The following TENM3 variants were observed in gnomAD, a reference collection of about 807,000 sequenced individuals.
TENM3 encodes the protein teneurin transmembrane protein 3.
Under a neutral mutation model 255.1 loss-of-function variants are expected in TENM3, and 63 were observed. That is an observed-to-expected ratio of 0.25 (90% CI 0.20 to 0.30). The LOEUF (loss-of-function observed/expected upper bound fraction) is 0.30. Among genes scored for constraint, TENM3 ranks in the 10% least tolerant of loss-of-function variants. The pLI is 1.00. For synonymous variants in TENM3, 1,306 were observed against 1,322.3 expected, an observed-to-expected ratio of 0.99 and a Z score of 0.27; for missense variants, 2,929 against 3,461.1, an observed-to-expected ratio of 0.85 and a Z score of 3.86.
chr4:182,255,283 A>G (rs1341048304), intron 1 of TENM3, among the ~76,000 whole-genome samples: 1 of 152,158 alleles, frequency 6.6e-6, no homozygotes, highest in East Asian at 1.9e-4. Context: ...CATCATGATA[A>G]TGTACCCCCA....
the TENM3 span, among the ~76,000 whole-genome samples, chr4:181,912,162 A>C: frequency 6.6e-6 from 1 of 152,204 alleles, no homozygotes; most frequent in East Asian, 1.9e-4. Flanking sequence ...CTCAAATTCC[A>C]CATTGGAGAT....
intron 3 of TENM3, among the ~76,000 whole-genome samples, chr4:182,530,395 C>A (rs572234829): frequency 6.6e-6 from 1 of 152,278 alleles, no homozygotes; most frequent in South Asian, 2.1e-4. Context: ...AGAAACTACT[C>A]CTGAAAGTAG....
the TENM3 span, among the ~76,000 whole-genome samples, chr4:181,699,071 T>G: frequency 0.47 from 72,092 of 151,828 alleles, 18,204 homozygotes; most frequent in Middle Eastern, 0.59. Flanking sequence ...TATGTGTTAG[T>G]GTGTCTACTC....
At chr4:181,978,192 G>A in the TENM3 span, among the ~76,000 whole-genome samples, 66 of 152,320 alleles carry the variant, frequency 4.3e-4, no homozygotes, top group African/African-American at 1.5e-3. Flanking sequence ...GGGGCTGGAA[G>A]GGTCCTGTGG....
chr4:181,764,613 C>G, the TENM3 span, among the ~76,000 whole-genome samples: 1 of 152,154 alleles, frequency 6.6e-6, no homozygotes, highest in Non-Finnish European at 1.5e-5. Context: ...ACTATTCCCC[C>G]AGAAGATAGT....
At chr4:181,772,501 G>A in the TENM3 span, among the ~76,000 whole-genome samples, 1 of 152,184 alleles carries the variant, frequency 6.6e-6, no homozygotes, top group Non-Finnish European at 1.5e-5. Flanking sequence ...GATACTGACT[G>A]AGCTAATACT....
chr4:182,054,317 G>A, the TENM3 span, among the ~76,000 whole-genome samples: 9 of 152,072 alleles, frequency 5.9e-5, no homozygotes, highest in African/African-American at 1.7e-4. Flanking sequence ...AGTGTTAGAC[G>A]GTGTGCTCAG....
chr4:182,717,215 A>G (rs537709093), intron 13 of TENM3, among the ~76,000 whole-genome samples: 110 of 152,266 alleles, frequency 7.2e-4, no homozygotes, highest in Middle Eastern at 3.4e-3. Flanking sequence ...AAGAGTTTAA[A>G]CATCTGAATC....
intron 3 of TENM3, among the ~76,000 whole-genome samples, chr4:182,393,914 A>T (rs1768618538): frequency 6.6e-6 from 1 of 152,186 alleles, no homozygotes; most frequent in Admixed American, 6.5e-5. Context: ...GGCCAACTTG[A>T]TATTATGACA....
At chr4:182,767,863 A>G (rs140652777) in intron 22 of TENM3, among the ~76,000 whole-genome samples, 30 of 152,342 alleles carry the variant, frequency 2.0e-4, no homozygotes, top group African/African-American at 7.0e-4. Flanking sequence ...GGAGGCCTTC[A>G]GAATGAACCC....
At chr4:181,549,627 T>G in the TENM3 span, among the ~76,000 whole-genome samples, 1 of 152,042 alleles carries the variant, frequency 6.6e-6, no homozygotes, top group Non-Finnish European at 1.5e-5. Context: ...AATTATTTCA[T>G]TTTTTCCTGT....
the TENM3 span, among the ~76,000 whole-genome samples, chr4:181,956,011 CAA>C: frequency 6.6e-6 from 1 of 152,164 alleles, no homozygotes; most frequent in South Asian, 2.1e-4. Context: ...AGCTTATAAA[CAA>C]GAGAAGATTT....
At chr4:181,593,852 A>T in the TENM3 span, among the ~76,000 whole-genome samples, 2 of 151,876 alleles carry the variant, frequency 1.3e-5, no homozygotes, top group Admixed American at 1.3e-4. Flanking sequence ...ACAGTAACTA[A>T]TTTTTTTTCA....
intron 3 of TENM3, among the ~76,000 whole-genome samples, chr4:182,451,937 A>G (rs1470330694): frequency 6.6e-6 from 1 of 152,246 alleles, no homozygotes; most frequent in African/African-American, 2.4e-5. Flanking sequence ...CCAGATGTAA[A>G]TGCTAAATAC....
chr4:181,886,455 A>G, the TENM3 span, among the ~76,000 whole-genome samples: 1 of 152,194 alleles, frequency 6.6e-6, no homozygotes, highest in Non-Finnish European at 1.5e-5. Flanking sequence ...CAAACTTTTG[A>G]GATAAATATT....
chr4:182,599,890 A>C (rs1231858851), intron 3 of TENM3, among the ~76,000 whole-genome samples: 1 of 152,218 alleles, frequency 6.6e-6, no homozygotes, highest in Non-Finnish European at 1.5e-5. Flanking sequence ...TTTAGCATTA[A>C]ATTAAAGAGT....
chr4:181,743,036 A>G, the TENM3 span, among the ~76,000 whole-genome samples: 3 of 151,918 alleles, frequency 2.0e-5, no homozygotes, highest in Non-Finnish European at 4.4e-5. Context: ...ATAGTATTCC[A>G]TGGTGTATAT....
intron 3 of TENM3, among the ~76,000 whole-genome samples, chr4:182,529,332 C>T (rs1273992383): frequency 2.0e-5 from 3 of 152,022 alleles, no homozygotes; most frequent in Middle Eastern, 3.2e-3. Context: ...TGTGTCTTAT[C>T]GATAAATTAT....
intron 1 of TENM3, among the ~76,000 whole-genome samples, chr4:182,202,268 TTGAA>T (rs1378951599): frequency 2.0e-5 from 3 of 151,998 alleles, no homozygotes; most frequent in Non-Finnish European, 4.4e-5. Flanking sequence ...CTGGTGAACT[TTGAA>T]TGCACAACTA....
Sources: gnomAD v4.1 joint callset for allele counts (sites outside exome capture counted in the v4.1 genomes callset) on GRCh38, gnomAD v4.1.1 for gene constraint, MANE v1.5 for transcripts, NCBI Gene and HGNC (gene_info 2026-07-23, HGNC 2026-07-21) for gene names.